Variants in SOX5 observed in about 807,000 individuals in gnomAD.
SOX5 encodes the protein SRY-box transcription factor 5.
In SOX5, 9 loss-of-function variants were observed where a neutral mutation model predicts 92.0. That is an observed-to-expected ratio of 0.10 (90% CI 0.06 to 0.17). The LOEUF (loss-of-function observed/expected upper bound fraction) is 0.17, where lower values mean the gene tolerates loss of function less well. Among genes scored for constraint, SOX5 ranks in the 10% least tolerant of loss-of-function variants. The pLI is 1.00. For synonymous variants in SOX5, 344 were observed against 336.3 expected (o/e 1.02, Z -0.25); for missense variants, 642 against 944.5 (o/e 0.68, Z 4.20).
chr12:23,958,048 T>C (rs1334005947), intron 4 of SOX5, among the ~76,000 whole-genome samples: 6 of 152,052 alleles, frequency 3.9e-5, no homozygotes, highest in Admixed American at 3.3e-4. Context: ...AAATCTTGCA[T>C]AGAGTCAAAG....
At chr12:24,205,421 A>G (rs1219669531) in intron 4 of SOX5, among the ~76,000 whole-genome samples, 1 of 152,174 alleles carries the variant, frequency 6.6e-6, no homozygotes, top group African/African-American at 2.4e-5. Flanking sequence ...AAACAATCAT[A>G]CAAGGCTCGT....
At chr12:23,623,876 T>A (rs568363265) in intron 8 of SOX5, among the ~76,000 whole-genome samples, 1 of 152,214 alleles carries the variant, frequency 6.6e-6, no homozygotes, top group African/African-American at 2.4e-5. Flanking sequence ...AGAAGAGATA[T>A]GTGTATATCC....
At chr12:23,719,563 T>G (rs940352239) in intron 6 of SOX5, among the ~76,000 whole-genome samples, 1 of 151,776 alleles carries the variant, frequency 6.6e-6, no homozygotes, top group Non-Finnish European at 1.5e-5. Context: ...CTGGGCAACA[T>G]AGGGAGGGTC....
At chr12:23,825,185 A>G (rs1461601598) in intron 3 of SOX5, among the ~76,000 whole-genome samples, 1 of 152,150 alleles carries the variant, frequency 6.6e-6, no homozygotes, top group Non-Finnish European at 1.5e-5. Flanking sequence ...ACGGCTGTCC[A>G]GCTTTGTGCT....
chr12:24,065,295 G>C (rs1205450644), intron 4 of SOX5, among the ~76,000 whole-genome samples: 7 of 152,134 alleles, frequency 4.6e-5, no homozygotes, highest in Non-Finnish European at 1.0e-4. Context: ...GAGGCACATG[G>C]AGCTGGATTC....
intron 4 of SOX5, among the ~76,000 whole-genome samples, chr12:23,970,826 T>TATATATATAGA (rs1392995616): frequency 3.9e-5 from 1 of 25,782 alleles, no homozygotes; most frequent in Non-Finnish European, 7.7e-5. Flanking sequence ...ACATGGGACT[T>TATATATATAGA]TATATATATA....
chr12:23,599,139 A>C (rs1251967179), intron 9 of SOX5, among the ~76,000 whole-genome samples: 3 of 152,222 alleles, frequency 2.0e-5, no homozygotes, highest in African/African-American at 7.2e-5. Context: ...GGCACTGCTG[A>C]TATTACTAAC....
intron 1 of SOX5, among the ~76,000 whole-genome samples, chr12:24,399,251 A>T (rs1596297635): frequency 6.6e-6 from 1 of 152,276 alleles, no homozygotes; most frequent in South Asian, 2.1e-4. Context: ...GCGTCTCCCC[A>T]TACCTGGGAA....
rs557966507 is a variant in SOX5, at chr12:24,289,626, T to C, written c.-173-12314A>G. On this transcript the variant is annotated intron_variant, in intron 2 of 4. Coordinates refer to the SOX5 transcript ENST00000446891. ...CCGCCACTACGCCCGGCTAATTTTT[T>C]TGTATTTTTTAGTAGAGACGGGGTT... Among the ~76,000 whole-genome samples the C allele has an allele frequency of 2.8e-5, 4 of 144,138 alleles. No individual in the cohort carries two copies. The East Asian group carries it at 8.0e-4, about 29-fold the overall frequency. 94.6% of individuals were successfully genotyped at this position (144,138 alleles called of 152,430 possible).
At chr12:23,957,310 A>G (rs1251964669) in intron 4 of SOX5, among the ~76,000 whole-genome samples, 1 of 152,212 alleles carries the variant, frequency 6.6e-6, no homozygotes, top group Admixed American at 6.5e-5. Flanking sequence ...TTCAAAACTA[A>G]TTTTATGACT....
At chr12:23,988,532 T>C (rs1950259301) in intron 4 of SOX5, among the ~76,000 whole-genome samples, 1 of 151,804 alleles carries the variant, frequency 6.6e-6, no homozygotes, top group African/African-American at 2.4e-5. Flanking sequence ...TATTTGAGAG[T>C]GATGTGGGAG....
intron 3 of SOX5, among the ~76,000 whole-genome samples, chr12:23,760,603 C>A (rs1416910398): frequency 1.2e-4 from 4 of 33,820 alleles, no homozygotes; most frequent in Non-Finnish European, 4.5e-4. Flanking sequence ...GCAATCCCCA[C>A]CAGTGAATGG....
At position 24,025,635 on chromosome 12, in the gene SOX5, G is replaced by T. The variant is rs190343317; in HGVS notation, c.-1-129611C>A. 4.2e-3 allele frequency among the ~76,000 whole-genome samples: 641 copies of T among 152,076 alleles called. 3 individuals are homozygous for T. The highest frequency in any genetic ancestry group is 7.0e-3 in the Non-Finnish European group (475 of 67,940). ...GGTACCTAATGCTTATTACAGGGAA[G>T]AGTAAAACATTTACCTCAAATTCCA... On this transcript the variant is annotated intron_variant, in intron 4 of 4. Transcript: ENST00000446891.
chr12:24,146,537 T>C (rs915998494), intron 4 of SOX5, among the ~76,000 whole-genome samples: 3 of 151,948 alleles, frequency 2.0e-5, no homozygotes, highest in Admixed American at 2.0e-4. Flanking sequence ...TTTAAAAATG[T>C]CTCAAACCCA....
chr12:24,394,323 T>C (rs1959290048), intron 1 of SOX5, among the ~76,000 whole-genome samples: 1 of 152,076 alleles, frequency 6.6e-6, no homozygotes, highest in Non-Finnish European at 1.5e-5. Context: ...GCCAGGTACA[T>C]ATTAGTTTCC....
intron 6 of SOX5, among the ~76,000 whole-genome samples, chr12:23,708,843 TAGCCCACA>T (rs1403472685): frequency 6.6e-6 from 1 of 152,204 alleles, no homozygotes; most frequent in Non-Finnish European, 1.5e-5. Flanking sequence ...TAGTCATTTG[TAGCCCACA>T]AATTCACAAG....
At chr12:23,571,502 G>T (rs1007315136) in intron 10 of SOX5, among the ~76,000 whole-genome samples, 1 of 152,058 alleles carries the variant, frequency 6.6e-6, no homozygotes, top group South Asian at 2.1e-4. Context: ...AAAACGTATG[G>T]CAAAGGAAGA....
chr12:24,282,187 A>G (rs2140423587), intron 2 of SOX5, among the ~76,000 whole-genome samples: 1 of 152,334 alleles, frequency 6.6e-6, no homozygotes, highest in East Asian at 1.9e-4. Context: ...AGGAACACAA[A>G]GAAAAGGGAT....
chr12:24,082,138 A>C (rs564416101), intron 4 of SOX5, among the ~76,000 whole-genome samples: 2 of 152,028 alleles, frequency 1.3e-5, no homozygotes, highest in East Asian at 3.9e-4. Context: ...TGCAGAATTA[A>C]ATATGTCACA....
Sources: allele counts gnomAD v4.1 joint callset (sites outside exome capture counted in the v4.1 genomes callset), GRCh38; gene constraint gnomAD v4.1.1; transcripts MANE v1.5; gene names NCBI Gene and HGNC (gene_info 2026-07-23, HGNC 2026-07-21).